Variants in TBC1D22A observed in about 807,000 individuals in gnomAD.
TBC1D22A encodes the protein TBC1 domain family member 22A.
A neutral mutation model predicts 60.2 loss-of-function variants in TBC1D22A; 38 were observed. The observed-to-expected ratio is 0.63, with a 90% CI of 0.49 to 0.83. The LOEUF (loss-of-function observed/expected upper bound fraction) is 0.83, where lower values mean the gene tolerates loss of function less well. TBC1D22A is among the 40% of genes least tolerant of loss of function. TBC1D22A has a pLI of 0.00. For synonymous variants in TBC1D22A, 302 were observed against 281.7 expected (o/e 1.07, Z -0.72); for missense variants, 628 against 701.0 (o/e 0.90, Z 1.18).
intron 4 of TBC1D22A, among the ~76,000 whole-genome samples, chr22:46,799,121 C>T (rs943368495): frequency 6.6e-6 from 1 of 152,072 alleles, no homozygotes; most frequent in East Asian, 1.9e-4. Flanking sequence ...AGGCCTGTCC[C>T]AGCCCCCACC....
intron 8 of TBC1D22A, among the ~76,000 whole-genome samples, chr22:46,959,608 G>A (rs2073388786): frequency 6.6e-6 from 1 of 152,164 alleles, no homozygotes; most frequent in South Asian, 2.1e-4. Flanking sequence ...TGTGCCGGTG[G>A]CCTCTCTGTC....
chr22:47,008,709 C>T (rs933613629), intron 10 of TBC1D22A, among the ~76,000 whole-genome samples: 6 of 152,192 alleles, frequency 3.9e-5, no homozygotes, highest in African/African-American at 1.2e-4. Flanking sequence ...GATCTCAGGG[C>T]GGCCAGTGCT....
chr22:46,794,735 C>T lies in TBC1D22A; in HGVS notation c.460+894C>T, dbSNP rs868061843. Among the ~76,000 whole-genome samples, 7 of 152,250 alleles carry T rather than the reference C, an allele frequency of 4.6e-5. No homozygotes were observed. In the South Asian group the frequency reaches 8.3e-4, roughly 18 times the overall value. ...GAGAATGGGGTGGGAACGCGGTGGC[C>T]CTGAGAGCAGTGGGGAGCAGGTGTC... On this transcript the variant is annotated intron_variant, in intron 3 of 12. Coordinates refer to ENST00000337137, the MANE Select transcript of TBC1D22A (RefSeq NM_014346.5).
At chr22:47,111,872 C>T (rs910519884) in intron 12 of TBC1D22A, among the ~76,000 whole-genome samples, 10 of 152,230 alleles carry the variant, frequency 6.6e-5, no homozygotes, top group Non-Finnish European at 1.0e-4. Context: ...TTCCCTGGGG[C>T]AGCGTGCCCC....
At chr22:46,933,625 T>TC (rs375567614) in intron 8 of TBC1D22A, among the ~76,000 whole-genome samples, 94 of 150,644 alleles carry the variant, frequency 6.2e-4, no homozygotes, top group African/African-American at 2.2e-3. Context: ...GAGAGACCAC[T>TC]GGGGGGGGGT....
chr22:46,999,446 C>T (rs2075235508), intron 10 of TBC1D22A, among the ~76,000 whole-genome samples: 1 of 152,116 alleles, frequency 6.6e-6, no homozygotes, highest in East Asian at 1.9e-4. Flanking sequence ...CTAATGAAAC[C>T]TTAAGGAATT....
intron 1 of TBC1D22A, among the ~76,000 whole-genome samples, chr22:46,790,677 T>C (rs2084366847): frequency 1.3e-5 from 2 of 152,188 alleles, no homozygotes; most frequent in East Asian, 3.8e-4. Flanking sequence ...ACCTTACTAA[T>C]GAATGAAGAG....
rs148604083 is a variant in TBC1D22A, at chr22:46,934,598, G to A, written c.1015+22410G>A. 4.9e-3 allele frequency among the ~76,000 whole-genome samples: 745 copies of A among 152,230 alleles called. 6 individuals carry two copies. The highest frequency in any genetic ancestry group is 0.017 in the African/African-American group (709 of 41,538). On this transcript the variant is annotated intron_variant, in intron 8 of 12. Coordinates refer to ENST00000337137, the MANE Select transcript of TBC1D22A (RefSeq NM_014346.5). ...TTTTTTAGGACTCACTTCATAAGAC[G>A]GCAAGGACTCTGCCATTGCAGTCCC... is the stretch of plus-strand genomic sequence containing the variant.
At chr22:47,115,292 C>T (rs1032283272) in intron 12 of TBC1D22A, among the ~76,000 whole-genome samples, 1 of 152,132 alleles carries the variant, frequency 6.6e-6, no homozygotes, top group African/African-American at 2.4e-5. Context: ...ATTGCTAATC[C>T]GCAGGCTATA....
At chr22:47,064,161 G>A (rs960622349) in intron 11 of TBC1D22A, among the ~76,000 whole-genome samples, 2 of 152,262 alleles carry the variant, frequency 1.3e-5, no homozygotes, top group African/African-American at 4.8e-5. Context: ...TCGTGGAGCA[G>A]GGCTGATGCG....
intron 9 of TBC1D22A, among the ~76,000 whole-genome samples, chr22:46,985,147 C>T (rs761732551): frequency 3.3e-5 from 5 of 152,172 alleles, no homozygotes; most frequent in African/African-American, 4.8e-5. Flanking sequence ...GTCTGATGCC[C>T]AGGAAGTTGG....
intron 5 of TBC1D22A, among the ~76,000 whole-genome samples, chr22:46,885,989 G>T (rs998763020): frequency 6.7e-6 from 1 of 149,454 alleles, no homozygotes; most frequent in African/African-American, 2.5e-5. Flanking sequence ...CTCACTGCAC[G>T]CTCCGCCTCC....
intron 10 of TBC1D22A, among the ~76,000 whole-genome samples, chr22:47,013,283 C>T (rs1314617102): frequency 3.3e-5 from 5 of 152,114 alleles, no homozygotes; most frequent in African/African-American, 7.2e-5. Context: ...AATGCAAACA[C>T]GTGAGGCCTC....
intron 4 of TBC1D22A, among the ~76,000 whole-genome samples, chr22:46,842,647 C>G (rs1258534931): frequency 1.3e-5 from 2 of 152,232 alleles, no homozygotes; most frequent in African/African-American, 4.8e-5. Flanking sequence ...TGAGTTTTAA[C>G]AAATGCATGA....
chr22:46,948,760 G>T (rs749147038), intron 8 of TBC1D22A, among the ~76,000 whole-genome samples: 2 of 152,244 alleles, frequency 1.3e-5, no homozygotes, highest in Non-Finnish European at 2.9e-5. Context: ...AAGAGGCCCC[G>T]TGAGACAGGT....
intron 12 of TBC1D22A, among the ~76,000 whole-genome samples, chr22:47,167,280 C>T (rs546342157): frequency 9.6e-4 from 146 of 152,318 alleles, no homozygotes; most frequent in African/African-American, 3.4e-3. Flanking sequence ...TCGTGGGCAC[C>T]AGAAGCCCCG....
chr22:46,946,170 G>A (rs541459750), intron 8 of TBC1D22A, among the ~76,000 whole-genome samples: 16 of 152,298 alleles, frequency 1.1e-4, no homozygotes, highest in Non-Finnish European at 2.2e-4. Context: ...TTCCGGACGG[G>A]CCAGCATAAG....
chr22:47,150,322 G>A (rs2067454304), intron 12 of TBC1D22A, among the ~76,000 whole-genome samples: 1 of 152,122 alleles, frequency 6.6e-6, no homozygotes, highest in Non-Finnish European at 1.5e-5. Flanking sequence ...CACTCACAGT[G>A]GGGTGGCGAG....
In TBC1D22A at chr22:46,941,387, C is replaced by CA. The variant is rs1569247854; in HGVS notation, c.1015+29199_1015+29200insA. ...AGAATATATATACAGAATATATATA[C>CA]GGAATATATATACACAGAATATATA... On this transcript the variant is annotated intron_variant, in intron 8 of 12. Transcript: ENST00000337137. Among the ~76,000 whole-genome samples the CA allele has an allele frequency of 7.8e-4, 103 of 132,082 alleles. 9 individuals are homozygous for CA. Among genetic ancestry groups the CA allele is most frequent in the Admixed American group, 6.9e-3 (85 of 12,354 alleles). 86.7% of individuals were successfully genotyped at this position (132,082 alleles called of 152,430 possible). A position where few individuals can be genotyped will look rare whatever the true frequency, so the allele number is the denominator to read the frequency against.
Sources: allele counts gnomAD v4.1 joint callset (sites outside exome capture counted in the v4.1 genomes callset), GRCh38; gene constraint gnomAD v4.1.1; transcripts MANE v1.5; gene names NCBI Gene and HGNC (gene_info 2026-07-23, HGNC 2026-07-21).